The following PDE11A variants were observed in gnomAD, a reference collection of about 807,000 sequenced individuals.
The protein encoded by PDE11A is phosphodiesterase 11A.
Under a neutral mutation model 100.5 loss-of-function variants are expected in PDE11A, and 100 were observed. That is an observed-to-expected ratio of 1.00 (90% CI 0.85 to 1.18). The LOEUF is 1.18. PDE11A is among the 50% of genes most tolerant of loss of function. PDE11A has a pLI of 0.00. For synonymous variants in PDE11A, 381 were observed against 420.8 expected (o/e 0.91, Z 1.16); for missense variants, 1,141 against 1,152.6 (o/e 0.99, Z 0.15).
In PDE11A at chr2:177,628,001, A is replaced by G. The variant is rs1455499273; in HGVS notation, c.*1406T>C. The G allele has an allele frequency of 6.6e-6, 1 of 152,230 alleles. No homozygotes were observed. The highest frequency in any genetic ancestry group is 6.5e-5 in the Admixed American group (1 of 15,290). 9.4% of individuals were successfully genotyped at this position (152,230 alleles called of 1,614,324 possible). A position where few individuals can be genotyped will look rare whatever the true frequency, so the allele number is the denominator to read the frequency against. ...CCTGTGGACCCCCATGTACGTAATC[A>G]AAGAGATGAAGGTTTGTAGGTGCTC... On this transcript the variant is annotated 3_prime_UTR_variant, in exon 20 of 20. Coordinates refer to ENST00000286063, the MANE Select transcript of PDE11A (RefSeq NM_016953.4).
intron 5 of PDE11A, among the ~76,000 whole-genome samples, chr2:177,853,710 GTGTT>G (rs779060159): frequency 0.42 from 15,613 of 37,030 alleles, 2,574 homozygotes; most frequent in Admixed American, 0.5. Flanking sequence ...GTGTGTGTGT[GTGTT>G]TGTGTGTGTG....
intron 12 of PDE11A, among the ~76,000 whole-genome samples, chr2:177,721,580 T>C (rs906924258): frequency 1.3e-5 from 2 of 152,158 alleles, no homozygotes; most frequent in Non-Finnish European, 1.5e-5. Context: ...TATCAGATTC[T>C]TAAGGACTTA....
At chr2:177,980,826 A>T (rs2085871499) in intron 2 of PDE11A, among the ~76,000 whole-genome samples, 1 of 150,604 alleles carries the variant, frequency 6.6e-6, no homozygotes, top group Non-Finnish European at 1.5e-5. Context: ...TTGTCAGAGA[A>T]ATGAAGAGTC....
At position 177,906,199 on chromosome 2, in the gene PDE11A, A is replaced by G. The variant is rs187938576; in HGVS notation, c.1072-1012T>C. ...CACACACGCACGCACGCACGCACGC[A>G]CGCACACAATGGTGCCCTAGGAAGA... On this transcript the variant is annotated intron_variant, in intron 2 of 19. Coordinates refer to ENST00000286063, the MANE Select transcript of PDE11A (RefSeq NM_016953.4). 5.0e-3 allele frequency among the ~76,000 whole-genome samples: 735 copies of G among 148,224 alleles called. 5 individuals are homozygous for G. The highest frequency in any genetic ancestry group is 9.0e-3 in the Non-Finnish European group (589 of 65,704).
intron 19 of PDE11A, among the ~76,000 whole-genome samples, chr2:177,660,452 A>G (rs908831266): frequency 3.3e-5 from 5 of 152,228 alleles, no homozygotes; most frequent in African/African-American, 7.2e-5. Context: ...GGGCCTGCAC[A>G]TCGTTTTTTT....
intron 1 of PDE11A, among the ~76,000 whole-genome samples, chr2:178,050,121 C>A (rs1488717803): frequency 6.6e-6 from 1 of 152,184 alleles, no homozygotes; most frequent in Non-Finnish European, 1.5e-5. Context: ...ACTGACACCT[C>A]ATACGGCCAG....
At chr2:178,104,241 T>C in intron 2 of PDE11A, 1 of 1,479,066 alleles carries the variant, frequency 6.8e-7, no homozygotes, top group Non-Finnish European at 9.4e-7. Flanking sequence ...TAATGCCAAA[T>C]CATATGCTTT....
intron 12 of PDE11A, among the ~76,000 whole-genome samples, chr2:177,713,176 T>G (rs2081382546): frequency 6.6e-6 from 1 of 152,016 alleles, no homozygotes. Flanking sequence ...GCCCAGCTAA[T>G]TTTTGCATTT....
intron 10 of PDE11A, among the ~76,000 whole-genome samples, chr2:177,746,710 C>T (rs912364395): frequency 1.3e-5 from 2 of 152,204 alleles, no homozygotes; most frequent in African/African-American, 4.8e-5. Flanking sequence ...AGACAGGCTT[C>T]ACTTGTCAGT....
intron 6 of PDE11A, among the ~76,000 whole-genome samples, chr2:177,820,845 T>C (rs2083127417): frequency 8.0e-6 from 1 of 124,766 alleles, no homozygotes; most frequent in East Asian, 2.3e-4. Flanking sequence ...ATTTTCCTTC[T>C]GTACCCCAAA....
At position 177,626,209 on chromosome 2, in the gene PDE11A, T is replaced by C. The variant is rs1681155566; in HGVS notation, c.*3198A>G. 6.6e-6 allele frequency: 1 copy of C among 152,668 alleles called. No homozygotes were observed. The highest frequency in any genetic ancestry group is 6.5e-5 in the Admixed American group (1 of 15,284). The allele number at this position is 152,668 out of a possible 1,614,324, so 9.5% of individuals were successfully genotyped here. On this transcript the variant is annotated 3_prime_UTR_variant, in exon 20 of 20. Coordinates refer to ENST00000286063, the MANE Select transcript of PDE11A (RefSeq NM_016953.4). Reference sequence around the variant, plus strand: ...ATAAATTATGTTCCCCTTAGCAATATGTAGCATCAATGTTCAGGATAGCTA... The same window carrying C: ...ATAAATTATGTTCCCCTTAGCAATACGTAGCATCAATGTTCAGGATAGCTA...
intron 16 of PDE11A, among the ~76,000 whole-genome samples, chr2:177,678,756 T>C (rs891704513): frequency 1.3e-5 from 2 of 152,092 alleles, no homozygotes; most frequent in African/African-American, 4.8e-5. Context: ...ATTTCTTCCA[T>C]ATGGGGTTCC....
chr2:177,826,219 C>G (rs1271273001), intron 6 of PDE11A, among the ~76,000 whole-genome samples: 2 of 152,180 alleles, frequency 1.3e-5, no homozygotes, highest in Non-Finnish European at 1.5e-5. Flanking sequence ...TGGGGCCTTT[C>G]CAATTAATGG....
chr2:177,702,057 C>T (rs2081204970), intron 13 of PDE11A, among the ~76,000 whole-genome samples: 1 of 152,156 alleles, frequency 6.6e-6, no homozygotes, highest in Non-Finnish European at 1.5e-5. Flanking sequence ...AATTATTAAT[C>T]AATAATTGAA....
At position 178,072,596 on chromosome 2, in the gene PDE11A, C is replaced by T. The variant is rs1261490285; in HGVS notation, c.-159G>A. ...CCCAGCAGTGGAATCTGGGAGATGC[C>T]CCTTCCTTCTCTGGCTCAGAGTGGC... On this transcript the variant is annotated 5_prime_UTR_variant, in exon 1 of 20. Coordinates refer to ENST00000286063, the MANE Select transcript of PDE11A (RefSeq NM_016953.4). The T allele has an allele frequency of 9.2e-6, 14 of 1,513,982 alleles. No homozygotes were observed. Among genetic ancestry groups the T allele is most frequent in the Non-Finnish European group, 1.1e-5 (12 of 1,136,402 alleles). The allele number at this position is 1,513,982 out of a possible 1,614,324, so 93.8% of individuals were successfully genotyped here.
chr2:177,875,210 C>A (rs896356080), intron 5 of PDE11A, among the ~76,000 whole-genome samples: 1 of 151,428 alleles, frequency 6.6e-6, no homozygotes. Context: ...GGTGACAGAG[C>A]GAGACTCCAC....
chr2:177,959,119 T>C (rs2085600600), intron 2 of PDE11A, among the ~76,000 whole-genome samples: 1 of 151,980 alleles, frequency 6.6e-6, no homozygotes, highest in Admixed American at 6.6e-5. Context: ...GGAAGGGGTA[T>C]TGAGTGAAAA....
intron 1 of PDE11A, among the ~76,000 whole-genome samples, chr2:178,106,604 TA>T (rs2087620578): frequency 6.6e-6 from 1 of 152,162 alleles, no homozygotes; most frequent in African/African-American, 2.4e-5. Flanking sequence ...GCTTGTATCA[TA>T]AAAAAGTCAT....
At chr2:178,095,618 G>A (rs1441285785) in intron 2 of PDE11A, among the ~76,000 whole-genome samples, 1 of 152,212 alleles carries the variant, frequency 6.6e-6, no homozygotes, top group Non-Finnish European at 1.5e-5. Flanking sequence ...CCCCAGTAGG[G>A]ACTCTGTGAT....
Sources: allele counts gnomAD v4.1 joint callset (sites outside exome capture counted in the v4.1 genomes callset), GRCh38; gene constraint gnomAD v4.1.1; transcripts MANE v1.5; gene names NCBI Gene and HGNC (gene_info 2026-07-23, HGNC 2026-07-21).